Variants in AGBL4 observed in about 807,000 individuals in gnomAD.
AGBL4 encodes cytosolic carboxypeptidase 6.
AGBL4 carries 58 observed loss-of-function variants against 66.4 expected under a neutral mutation model. The ratio of observed to expected loss-of-function variants is 0.87; its 90% CI spans 0.71 to 1.09. AGBL4 has a LOEUF of 1.09. Among genes scored for constraint, AGBL4 ranks in the 50% least tolerant of loss-of-function variants. AGBL4 has a pLI of 0.00. For synonymous variants in AGBL4, 234 were observed against 222.9 expected (o/e 1.05, Z -0.44); for missense variants, 579 against 631.0 (o/e 0.92, Z 0.88).
intron 1 of AGBL4, among the ~76,000 whole-genome samples, chr1:49,904,451 A>G (rs1375679272): frequency 6.6e-6 from 1 of 152,208 alleles, no homozygotes; most frequent in Non-Finnish European, 1.5e-5. Flanking sequence ...ATTCAACCTC[A>G]GTACAAAAAT....
chr1:48,633,428 T>C (rs1165150523), intron 9 of AGBL4, among the ~76,000 whole-genome samples: 1 of 152,140 alleles, frequency 6.6e-6, no homozygotes, highest in African/African-American at 2.4e-5. Flanking sequence ...AATCACCATC[T>C]CTCACCTGAC....
intron 2 of AGBL4, among the ~76,000 whole-genome samples, chr1:49,744,050 A>G (rs938725272): frequency 3.3e-5 from 5 of 151,484 alleles, no homozygotes; most frequent in Non-Finnish European, 5.9e-5. Flanking sequence ...AACTTAAAGT[A>G]TAATAAAAAA....
intron 9 of AGBL4, among the ~76,000 whole-genome samples, chr1:48,609,840 C>T (rs1043487507): frequency 2.0e-5 from 3 of 152,226 alleles, no homozygotes; most frequent in Non-Finnish European, 2.9e-5. Context: ...ATACTGGCGT[C>T]GCTTCCTTTC....
intron 6 of AGBL4, among the ~76,000 whole-genome samples, chr1:48,845,557 C>T (rs7553498): frequency 0.3 from 45,049 of 152,124 alleles, 7,377 homozygotes; most frequent in East Asian, 0.71. Context: ...AGGTATTAAT[C>T]ACTCTCTTTG....
chr1:49,347,262 T>C (rs980627074), intron 3 of AGBL4, among the ~76,000 whole-genome samples: 12 of 149,186 alleles, frequency 8.0e-5, no homozygotes, highest in African/African-American at 2.5e-4. Context: ...CTTTTTTTTT[T>C]TTTTTTTGAG....
chr1:49,549,076 T>A (rs1652742015), intron 3 of AGBL4, among the ~76,000 whole-genome samples: 1 of 152,060 alleles, frequency 6.6e-6, no homozygotes, highest in South Asian at 2.1e-4. Flanking sequence ...GGTTTCCTAG[T>A]TTACAGTTTA....
At chr1:49,881,485 T>G (rs1292214338) in intron 1 of AGBL4, among the ~76,000 whole-genome samples, 1 of 151,300 alleles carries the variant, frequency 6.6e-6, no homozygotes, top group East Asian at 1.9e-4. Context: ...ATGGTTGAAC[T>G]AGTTTACAGT....
intron 3 of AGBL4, among the ~76,000 whole-genome samples, chr1:49,282,801 C>T (rs1014285050): frequency 1.3e-5 from 2 of 152,158 alleles, no homozygotes; most frequent in African/African-American, 2.4e-5. Context: ...CCGAATATTG[C>T]GCTTTTCGGA....
chr1:49,886,262 T>C (rs1265678350), intron 1 of AGBL4, among the ~76,000 whole-genome samples: 1 of 152,180 alleles, frequency 6.6e-6, no homozygotes, highest in Non-Finnish European at 1.5e-5. Context: ...TTGAGATACC[T>C]ATATTCAGAG....
In AGBL4 at chr1:49,076,274, G is replaced by A. The variant is rs118043791; in HGVS notation, c.378-30474C>T. On this transcript the variant is annotated intron_variant, in intron 4 of 13. Coordinates refer to ENST00000371839, the MANE Select transcript of AGBL4 (RefSeq NM_032785.4). ...CAAGTCCCTTATAGAAAATCACATAGCATTTGCATATAACCTATACACATC... is the reference window on the plus strand; with the variant it reads ...CAAGTCCCTTATAGAAAATCACATAACATTTGCATATAACCTATACACATC... 2.4e-3 allele frequency among the ~76,000 whole-genome samples: 358 copies of A among 152,198 alleles called. 12 individuals carry two copies. In the East Asian group the frequency reaches 0.06, roughly 26 times the overall value.
chr1:49,697,462 G>A, intron 2 of AGBL4, 25 bp from the exon 3 acceptor site: 5 of 1,480,476 alleles, frequency 3.4e-6, no homozygotes, highest in Non-Finnish European at 4.6e-6. Flanking sequence ...TAAGAGAATT[G>A]GATTTTAATA....
chr1:49,558,277 T>C (rs980526947), intron 3 of AGBL4, among the ~76,000 whole-genome samples: 1 of 152,020 alleles, frequency 6.6e-6, no homozygotes, highest in African/African-American at 2.4e-5. Flanking sequence ...CCTTGAACCT[T>C]AGGTACCAGA....
intron 3 of AGBL4, among the ~76,000 whole-genome samples, chr1:49,502,165 G>A (rs1320674975): frequency 1.3e-5 from 2 of 152,138 alleles, no homozygotes; most frequent in African/African-American, 4.8e-5. Context: ...AGGAAGCAAA[G>A]TTTCTAGTTG....
intron 3 of AGBL4, among the ~76,000 whole-genome samples, chr1:49,442,901 T>C (rs533118030): frequency 6.6e-6 from 1 of 152,282 alleles, no homozygotes; most frequent in East Asian, 1.9e-4. Context: ...TCCCACCACG[T>C]GTATAAAAGT....
In AGBL4 at chr1:49,885,567, C is replaced by T. The variant is rs191834014; in HGVS notation, c.35-34049G>A. 1.1e-4 allele frequency among the ~76,000 whole-genome samples: 17 copies of T among 152,086 alleles called. No homozygotes were observed. The East Asian group carries it at 3.3e-3, about 29-fold the overall frequency. On this transcript the variant is annotated intron_variant, in intron 1 of 13. Coordinates refer to ENST00000371839, the MANE Select transcript of AGBL4 (RefSeq NM_032785.4). The stretch of plus-strand genomic sequence containing the variant: ...CTCCCTAGTCACATAGTCTACAACA[C>T]AAACAAGACATCTTGGTTTGTTAAG...
chr1:49,871,114 T>C (rs55748637), intron 1 of AGBL4, among the ~76,000 whole-genome samples: 3,009 of 152,176 alleles, frequency 0.02, 50 homozygotes, highest in Non-Finnish European at 0.033. Context: ...AATTTCTCTG[T>C]AAATCAAACA....
chr1:49,371,220 G>GATAT (rs1450785375), intron 3 of AGBL4, among the ~76,000 whole-genome samples: 6 of 143,506 alleles, frequency 4.2e-5, no homozygotes, highest in African/African-American at 7.7e-5. Flanking sequence ...AAGATAGATA[G>GATAT]ATAGATATAT....
At chr1:48,658,453 T>C (rs1646053806) in intron 7 of AGBL4, among the ~76,000 whole-genome samples, 1 of 152,218 alleles carries the variant, frequency 6.6e-6, no homozygotes, top group Admixed American at 6.5e-5. Flanking sequence ...AGGCCCTTCC[T>C]TGACCTGGCA....
intron 4 of AGBL4, among the ~76,000 whole-genome samples, chr1:49,241,652 T>C (rs1651246553): frequency 6.6e-6 from 1 of 152,008 alleles, no homozygotes; most frequent in Admixed American, 6.6e-5. Flanking sequence ...CCTTGCATAG[T>C]TCCTGGTTCA....
Sources: gnomAD v4.1 joint callset for allele counts (sites outside exome capture counted in the v4.1 genomes callset) on GRCh38, gnomAD v4.1.1 for gene constraint, MANE v1.5 for transcripts, NCBI Gene and HGNC (gene_info 2026-07-23, HGNC 2026-07-21) for gene names.